Variants in RGS7 observed in about 807,000 individuals in gnomAD.
RGS7 encodes the protein regulator of G protein signaling 7.
In RGS7, 27 loss-of-function variants were observed where a neutral mutation model predicts 81.1. That is an observed-to-expected ratio of 0.33 (90% CI 0.25 to 0.46). The LOEUF (loss-of-function observed/expected upper bound fraction) is 0.46, where lower values mean the gene tolerates loss of function less well. RGS7 is among the 20% of genes least tolerant of loss of function. The pLI is 1.00. For missense variants in RGS7, 396 were observed against 607.4 expected (o/e 0.65, Z 3.66); for synonymous variants, 208 against 207.7 (o/e 1.00, Z -0.01).
chr1:241,316,844 T>C (rs1436915616), intron 2 of RGS7, among the ~76,000 whole-genome samples: 1 of 152,248 alleles, frequency 6.6e-6, no homozygotes, highest in African/African-American at 2.4e-5. Context: ...CATTTGTTTA[T>C]CAATGATGTG....
Position 240,802,943 on chromosome 1 carries a change from T to C in RGS7, c.1320A>G (p.Arg440=). The change falls in exon 16 of 19, where the codon AGA becomes AGG. Residue 440 remains arginine (R), a synonymous_variant. Coordinates refer to ENST00000440928, the MANE Select transcript of RGS7 (RefSeq NM_001364886.1). The stretch of plus-strand genomic sequence containing the variant: ...GTAGAAGCTCCTGATAGGCACTGGA[T>C]CTTATAAAACGTGGGTATGAATCAC... The part of the protein sequence containing the change: ...MKSDSYPRFI[R]SSAYQELLQA... The C allele has an allele frequency of 6.2e-7, 1 of 1,612,850 alleles. No homozygotes were observed.
intron 2 of RGS7, among the ~76,000 whole-genome samples, chr1:241,160,110 CAAA>C (rs369734662): frequency 1.8e-5 from 1 of 56,160 alleles, no homozygotes; most frequent in African/African-American, 6.3e-5. Flanking sequence ...GACTCCATCT[CAAA>C]AAAAAAAAAA....
chr1:241,338,149 G>T (rs527839165), intron 2 of RGS7, among the ~76,000 whole-genome samples: 1 of 152,184 alleles, frequency 6.6e-6, no homozygotes, highest in East Asian at 1.9e-4. Flanking sequence ...GCCACAAATT[G>T]ATGTGCTTAT....
chr1:240,985,876 T>G (rs1206423530), intron 3 of RGS7, among the ~76,000 whole-genome samples: 7 of 151,852 alleles, frequency 4.6e-5, no homozygotes, highest in Non-Finnish European at 8.8e-5. Context: ...ATGACTCAAA[T>G]TTAAAATGGA....
At chr1:240,875,855 G>C (rs1665317015) in intron 6 of RGS7, among the ~76,000 whole-genome samples, 1 of 152,092 alleles carries the variant, frequency 6.6e-6, no homozygotes, top group Non-Finnish European at 1.5e-5. Flanking sequence ...TGTCTATTTA[G>C]GTTTCTTGCT....
intron 2 of RGS7, among the ~76,000 whole-genome samples, chr1:241,340,635 A>T (rs2082490070): frequency 6.6e-6 from 1 of 152,190 alleles, no homozygotes; most frequent in African/African-American, 2.4e-5. Flanking sequence ...ATCACCCAAA[A>T]GGGTCAATTA....
intron 2 of RGS7, among the ~76,000 whole-genome samples, chr1:241,238,442 C>T (rs1403374123): frequency 6.6e-6 from 1 of 152,176 alleles, no homozygotes; most frequent in Non-Finnish European, 1.5e-5. Flanking sequence ...CCAAAACAGA[C>T]ATCAACAACA....
intron 3 of RGS7, among the ~76,000 whole-genome samples, chr1:241,085,685 C>T (rs1003280881): frequency 1.3e-5 from 2 of 152,126 alleles, no homozygotes; most frequent in African/African-American, 2.4e-5. Flanking sequence ...CTGCCCACCT[C>T]GGCCTCCCAA....
chr1:240,921,492 G>A (rs1453476576), intron 6 of RGS7, among the ~76,000 whole-genome samples: 4 of 152,044 alleles, frequency 2.6e-5, no homozygotes, highest in Admixed American at 2.0e-4. Flanking sequence ...ATAAATCTTT[G>A]TTCAGGAAGA....
chr1:241,110,328 G>A (rs1179545317), intron 2 of RGS7, among the ~76,000 whole-genome samples: 3 of 152,036 alleles, frequency 2.0e-5, no homozygotes, highest in Non-Finnish European at 4.4e-5. Context: ...GGCTTCTCTT[G>A]GGACTTTTTT....
chr1:241,030,377 T>TATATATATATATATACACACAGAC, intron 3 of RGS7, among the ~76,000 whole-genome samples: 1 of 137,384 alleles, frequency 7.3e-6, no homozygotes, highest in South Asian at 2.3e-4. Flanking sequence ...TATATATACA[T>TATATATATATATATACACACAGAC]ACACACATAC....
chr1:241,155,377 C>T (rs940453910), intron 2 of RGS7, among the ~76,000 whole-genome samples: 9 of 151,976 alleles, frequency 5.9e-5, no homozygotes, highest in Admixed American at 2.0e-4. Flanking sequence ...GGATTACAGG[C>T]GTGAGCCACC....
At chr1:241,015,131 T>G (rs574103647) in intron 3 of RGS7, among the ~76,000 whole-genome samples, 2 of 152,354 alleles carry the variant, frequency 1.3e-5, no homozygotes, top group East Asian at 3.9e-4. Context: ...TTGCACAGTT[T>G]CAAAAAGCTT....
rs564555236 is a variant in RGS7 at position 240,868,397 on chromosome 1, A to T, written c.609+190T>A. Among the ~76,000 whole-genome samples the T allele has an allele frequency of 1.7e-3, 264 of 152,326 alleles. No homozygotes were observed. Among genetic ancestry groups the T allele is most frequent in the African/African-American group, 5.9e-3 (246 of 41,568 alleles). ...ATGGTGGGAAAATGCATGGTTTTAT[A>T]AATTAAATACGATGCTATTGAGGTC... On this transcript the variant is annotated intron_variant, in intron 9 of 18. Transcript: ENST00000440928. The surrounding 1 kb of genome is among the most constrained non-coding windows in gnomAD (Gnocchi z 5.1).
At chr1:240,896,773 T>G (rs564613521) in intron 6 of RGS7, among the ~76,000 whole-genome samples, 1 of 152,340 alleles carries the variant, frequency 6.6e-6, no homozygotes, top group African/African-American at 2.4e-5. Flanking sequence ...GTGGGCTCTT[T>G]TTTGGTTCCA....
At chr1:240,844,547 T>C (rs1376040634) in intron 9 of RGS7, among the ~76,000 whole-genome samples, 33 of 152,194 alleles carry the variant, frequency 2.2e-4, no homozygotes, top group Admixed American at 2.2e-3. Context: ...TTATTCTCAT[T>C]CTACCCATGG....
rs568381066 is a variant in RGS7 at position 240,842,199 on chromosome 1, A to ATTTTTTTTTTTTTTTTTTTTTTTTTTTTT, written c.610-15028_610-15027insAAAAAAAAAAAAAAAAAAAAAAAAAAAAA. ...TGATTTCAGATTATGTTTGTCAGGAATTTTTTTTTTTTTTTTTGAGACAGA... is the reference window on the plus strand; with the variant it reads ...TGATTTCAGATTATGTTTGTCAGGAATTTTTTTTTTTTTTTTTTTTTTTTTTTTTTTTTTTTTTTTTTTTTTGAGACAGA... On this transcript the variant is annotated intron_variant, in intron 9 of 18. Coordinates refer to ENST00000440928, the MANE Select transcript of RGS7 (RefSeq NM_001364886.1). 5.8e-4 allele frequency among the ~76,000 whole-genome samples: 46 copies of ATTTTTTTTTTTTTTTTTTTTTTTTTTTTT among 78,700 alleles called. 13 individuals carry two copies. Among genetic ancestry groups the ATTTTTTTTTTTTTTTTTTTTTTTTTTTTT allele is most frequent in the East Asian group, 1.5e-3 (4 of 2,592 alleles). 51.6% of individuals were successfully genotyped at this position (78,700 alleles called of 152,430 possible). A position where few individuals can be genotyped will look rare whatever the true frequency, so the allele number is the denominator to read the frequency against.
In RGS7 at chr1:240,783,713, G is replaced by A. The variant is rs756742317; in HGVS notation, c.*7-7500C>T. Among the ~76,000 whole-genome samples, 17 of 152,140 alleles carry A rather than the reference G, an allele frequency of 1.1e-4. 1 individual carries two copies. Among genetic ancestry groups the A allele is most frequent in the Middle Eastern group, 3.4e-3 (1 of 294 alleles). ...GATGGTAAGGAGCCCTGAGTCAGTA[G>A]GAATTGATGAAGGCCAGGCTCTTAG... On this transcript the variant is annotated intron_variant, in intron 18 of 18. Coordinates refer to ENST00000440928, the MANE Select transcript of RGS7 (RefSeq NM_001364886.1).
At chr1:241,074,889 TA>T (rs979637413) in intron 3 of RGS7, among the ~76,000 whole-genome samples, 31 of 151,902 alleles carry the variant, frequency 2.0e-4, no homozygotes, top group African/African-American at 6.5e-4. Flanking sequence ...CATCACCACT[TA>T]AAAAAAAATT....
Sources: gnomAD v4.1 joint callset for allele counts (sites outside exome capture counted in the v4.1 genomes callset) on GRCh38, gnomAD v4.1.1 for gene constraint, Gnocchi (gnomAD v3.1) non-coding constraint, MANE v1.5 for transcripts, NCBI Gene and HGNC (gene_info 2026-07-23, HGNC 2026-07-21) for gene names.